The following PLEKHA1 variants were observed in gnomAD, a reference collection of about 807,000 sequenced individuals.
PLEKHA1 encodes pleckstrin homology domain containing A1.
PLEKHA1 carries 34 observed loss-of-function variants against 52.0 expected under a neutral mutation model. That is an observed-to-expected ratio of 0.65 (90% CI 0.50 to 0.87). The LOEUF (loss-of-function observed/expected upper bound fraction) is 0.87, where lower values mean the gene tolerates loss of function less well. Among genes scored for constraint, PLEKHA1 ranks in the 40% least tolerant of loss-of-function variants. The pLI, the probability that PLEKHA1 is intolerant of heterozygous loss-of-function variation, is 0.00. For synonymous variants in PLEKHA1, 163 were observed against 170.7 expected (o/e 0.95, Z 0.35); for missense variants, 497 against 504.2 (o/e 0.99, Z 0.14).
At chr10:122,391,352 A>G (rs1590365469) in intron 1 of PLEKHA1, among the ~76,000 whole-genome samples, 2 of 152,174 alleles carry the variant, frequency 1.3e-5, no homozygotes, top group African/African-American at 2.4e-5. Flanking sequence ...TTCATTGCCA[A>G]TTCCAAAGTA....
chr10:122,413,139 G>T, intron 6 of PLEKHA1, 94 bp downstream of exon 6: 2 of 1,068,026 alleles, frequency 1.9e-6, no homozygotes, highest in South Asian at 2.9e-5. Flanking sequence ...TTGCTTAATT[G>T]GTATAATATA....
At chr10:122,428,975 T>A (rs2097381276) in intron 11 of PLEKHA1, among the ~76,000 whole-genome samples, 1 of 152,218 alleles carries the variant, frequency 6.6e-6, no homozygotes, top group Admixed American at 6.5e-5. Flanking sequence ...ATGTGATAAA[T>A]GTGTACCCTT....
chr10:122,376,031 T>C (rs1033973287), intron 1 of PLEKHA1, among the ~76,000 whole-genome samples: 25 of 152,320 alleles, frequency 1.6e-4, no homozygotes, highest in African/African-American at 6.0e-4. Context: ...TGCTTTATTT[T>C]CCCAAGTACT....
chr10:122,396,380 A>C (rs958882581), intron 2 of PLEKHA1, among the ~76,000 whole-genome samples: 1 of 152,172 alleles, frequency 6.6e-6, no homozygotes, highest in African/African-American at 2.4e-5. Context: ...AACGTTATAC[A>C]TAAGAATACA....
At chr10:122,433,623 C>G (rs1591004057), downstream of PLEKHA1, 1 of 151,976 alleles carries the variant, frequency 6.6e-6, no homozygotes, top group Admixed American at 6.6e-5. Flanking sequence ...AATCAAGTGA[C>G]TTGTGAATGT....
chr10:122,399,233 T>C (rs1342734321), intron 3 of PLEKHA1, among the ~76,000 whole-genome samples: 1 of 152,186 alleles, frequency 6.6e-6, no homozygotes, highest in African/African-American at 2.4e-5. Flanking sequence ...GAGTTTGTAG[T>C]TGGGATCAAT....
At chr10:122,440,950 C>T in the PLEKHA1 span, 1 of 152,150 alleles carries the variant, frequency 6.6e-6, no homozygotes, top group Non-Finnish European at 1.5e-5. Context: ...TAGGTGCTAA[C>T]AATTACCTCA....
Position 122,429,926 on chromosome 10 carries a change from C to A in PLEKHA1, c.1203C>A (p.Val401=). ...LVDLDDASLP[V]SDV ...ACTTGGACGATGCGAGCCTTCCGGT[C>A]AGTGACGTGTGAGGCAGAAGCGCAC... Residue 401 remains valine, a synonymous_variant, in exon 12 of 12, where the codon GTC becomes GTA. Coordinates refer to ENST00000368990, the MANE Select transcript of PLEKHA1 (RefSeq NM_001001974.4). The A allele has an allele frequency of 1.2e-6, 2 of 1,612,092 alleles. No homozygotes were observed. Among genetic ancestry groups the A allele is most frequent in the South Asian group, 2.2e-5 (2 of 90,754 alleles).
chr10:122,384,312 T>C (rs2096657028), intron 1 of PLEKHA1, among the ~76,000 whole-genome samples: 1 of 152,210 alleles, frequency 6.6e-6, no homozygotes, highest in Admixed American at 6.5e-5. Flanking sequence ...GGAAAGCTTT[T>C]AAAAAACTTT....
At chr10:122,427,107 T>C (rs2097350798) in intron 11 of PLEKHA1, 76 bp downstream of exon 11, 2 of 1,335,370 alleles carry the variant, frequency 1.5e-6, no homozygotes, top group Middle Eastern at 3.7e-4. Flanking sequence ...TCCCAATCCA[T>C]CCGGTTTCTT....
intron 10 of PLEKHA1, among the ~76,000 whole-genome samples, chr10:122,426,412 G>A (rs2097340136): frequency 6.6e-6 from 1 of 151,864 alleles, no homozygotes; most frequent in African/African-American, 2.4e-5. Flanking sequence ...ACAAGAGGCA[G>A]TATCTCTGCA....
At position 122,429,773 on chromosome 10, in the gene PLEKHA1, G is replaced by C. The variant is rs199613099; in HGVS notation, c.1050G>C (p.Lys350Asn). 10 of 1,614,176 alleles carry C rather than the reference G, an allele frequency of 6.2e-6. No homozygotes were observed. The South Asian group carries it at 1.1e-4, about 18-fold the overall frequency. ...EKRGFYESLAKVKPGNFKVQT... is the reference protein window; with the variant it reads ...EKRGFYESLANVKPGNFKVQT... Reference sequence around the variant, plus strand: ...GAGGATTTTACGAGTCTCTTGCCAAGGTCAAGCCAGGGAACTTCAAGGTCC... The same window carrying C: ...GAGGATTTTACGAGTCTCTTGCCAACGTCAAGCCAGGGAACTTCAAGGTCC... Residue 350 changes from lysine (K) to asparagine (N), a missense_variant, in exon 12 of 12, where the codon AAG becomes AAC. Transcript: ENST00000368990.
chr10:122,424,476 G>A (rs1448442296), intron 9 of PLEKHA1, among the ~76,000 whole-genome samples: 2 of 152,014 alleles, frequency 1.3e-5, no homozygotes, highest in Admixed American at 6.6e-5. Flanking sequence ...GGAAAGAATC[G>A]TTTATTTGTT....
rs1206201702 is a variant in PLEKHA1 at position 122,430,370 on chromosome 10, A to G, written c.*432A>G. 1 of 156,718 alleles carries G rather than the reference A, an allele frequency of 6.4e-6. No individual in the cohort carries two copies. The highest frequency in any genetic ancestry group is 6.3e-5 in the Admixed American group (1 of 15,840). 9.7% of individuals were successfully genotyped at this position (156,718 alleles called of 1,614,324 possible). On this transcript the variant is annotated 3_prime_UTR_variant, in exon 12 of 12. Coordinates refer to ENST00000368990, the MANE Select transcript of PLEKHA1 (RefSeq NM_001001974.4). ...CATTCTTATTGGTTGATATTACCACATGAAATATTGCCAGACCAAGATACC... is the reference window on the plus strand; with the variant it reads ...CATTCTTATTGGTTGATATTACCACGTGAAATATTGCCAGACCAAGATACC...
intron 11 of PLEKHA1, chr10:122,428,161 C>T: frequency 9.9e-7 from 1 of 1,007,336 alleles, no homozygotes; most frequent in East Asian, 3.2e-5. Context: ...GTGTTTTGTG[C>T]TTTGTGGTGG....
Position 122,412,965 on chromosome 10 carries a change from C to G in PLEKHA1, c.388C>G (p.Arg130Gly). 4.3e-6 allele frequency: 7 copies of G among 1,613,392 alleles called. No homozygotes were observed. Among genetic ancestry groups the G allele is most frequent in the Non-Finnish European group, 5.9e-6 (7 of 1,179,544 alleles). ...ACAGCCTAATTCTGATAACCTAAGT[C>G]GCCATGGTGAATGTGGGAAAAAGCA... ...DSQPNSDNLS[R>G]HGECGKKQVS... Residue 130 changes from arginine (R) to glycine (G), a missense_variant, in exon 6 of 12, where the codon CGC becomes GGC. Transcript: ENST00000368990.
intron 10 of PLEKHA1, 165 bp downstream of exon 10, chr10:122,425,124 GT>G: frequency 2.2e-6 from 1 of 461,690 alleles, no homozygotes; most frequent in Admixed American, 4.2e-5. Flanking sequence ...TATTGGTGGG[GT>G]TATATGTTCA....
chr10:122,385,434 C>T (rs1159017140), intron 1 of PLEKHA1, among the ~76,000 whole-genome samples: 2 of 150,748 alleles, frequency 1.3e-5, no homozygotes, highest in South Asian at 2.1e-4. Flanking sequence ...TCTCCTGCCT[C>T]AGCCTCCTGA....
rs543146107 is a variant in PLEKHA1 at position 122,394,170 on chromosome 10, G to A, written c.141+829G>A. Among the ~76,000 whole-genome samples the A allele has an allele frequency of 1.2e-4, 18 of 146,056 alleles. No individual in the cohort carries two copies. The South Asian group carries it at 3.7e-3, about 30-fold the overall frequency. On this transcript the variant is annotated intron_variant, in intron 2 of 11. Transcript: ENST00000368990. ...ACTCACTGCAGCCTCTGCCTCCTGGGTTCAAGTGATTCTCATGCCTCAGCC... is the reference window on the plus strand; with the variant it reads ...ACTCACTGCAGCCTCTGCCTCCTGGATTCAAGTGATTCTCATGCCTCAGCC...
Sources: allele counts gnomAD v4.1 joint callset (sites outside exome capture counted in the v4.1 genomes callset), GRCh38; gene constraint gnomAD v4.1.1; transcripts MANE v1.5; gene names NCBI Gene and HGNC (gene_info 2026-07-23, HGNC 2026-07-21).